Variants in TUT4 observed in about 807,000 individuals in gnomAD.
TUT4 encodes the protein terminal uridylyltransferase 4.
A neutral mutation model predicts 192.2 loss-of-function variants in TUT4; 36 were observed. The observed-to-expected ratio is 0.19, with a 90% CI of 0.14 to 0.25. The LOEUF (loss-of-function observed/expected upper bound fraction) is 0.25. Among genes scored for constraint, TUT4 ranks in the 10% least tolerant of loss-of-function variants. TUT4 has a pLI of 1.00. For missense variants in TUT4, 1,493 were observed against 1,957.2 expected (o/e 0.76, Z 4.47); for synonymous variants, 618 against 666.0 (o/e 0.93, Z 1.11).
Position 52,518,481 on chromosome 1 carries a change from T to C in TUT4, c.719-2427A>G, listed in dbSNP as rs554235317. On this transcript the variant is annotated intron_variant, in intron 2 of 29. Coordinates refer to ENST00000257177, the MANE Select transcript of TUT4 (RefSeq NM_001009881.3). ...ACAGAGGTTCTCTCTTCTCCTTTTT[T>C]ATAAGGCCAGATTAGGACCTCACCA... 2.0e-5 allele frequency among the ~76,000 whole-genome samples: 3 copies of C among 152,318 alleles called. No individual in the cohort carries two copies. In the South Asian group the frequency reaches 6.2e-4, roughly 32 times the overall value.
rs1681687772 is a variant in TUT4 at position 52,526,122 on chromosome 1, A to G, written c.159T>C (p.Asn53=). ...CATTTTGCTTATTTTTTTTACTACT[A>G]TTCCTATTTGGAGAGCTGTTCTCAA... ...KEIENSSPNR[N]SSKKNKQNDI... is the part of the protein sequence containing the mutation. Residue 53 remains asparagine (N), a synonymous_variant, in exon 2 of 30, where the codon AAT becomes AAC. Transcript: ENST00000257177. 1 of 1,610,380 alleles carries G rather than the reference A, an allele frequency of 6.2e-7. No homozygotes were observed. Among genetic ancestry groups the G allele is most frequent in the Non-Finnish European group, 8.5e-7 (1 of 1,179,198 alleles).
intron 9 of TUT4, among the ~76,000 whole-genome samples, chr1:52,486,351 G>C (rs1179829739): frequency 2.6e-5 from 4 of 152,084 alleles, no homozygotes; most frequent in Admixed American, 6.5e-5. Flanking sequence ...GCCACCTAGA[G>C]TTAAGAAGCT....
chr1:52,550,391 A>C (rs1689106228), intron 1 of TUT4, among the ~76,000 whole-genome samples: 1 of 152,136 alleles, frequency 6.6e-6, no homozygotes, highest in African/African-American at 2.4e-5. Flanking sequence ...AACATTTTTT[A>C]ATCAATTCAA....
intron 9 of TUT4, among the ~76,000 whole-genome samples, chr1:52,487,093 C>G (rs1292437287): frequency 1.3e-5 from 2 of 152,000 alleles, no homozygotes; most frequent in Non-Finnish European, 2.9e-5. Context: ...ATAGCATTAC[C>G]AAAATATTCT....
At chr1:52,474,441 CA>C (rs1402708233) in intron 13 of TUT4, among the ~76,000 whole-genome samples, 13 of 151,860 alleles carry the variant, frequency 8.6e-5, no homozygotes, top group Admixed American at 5.2e-4. Context: ...TTAGAATTTA[CA>C]AACCTTTTAT....
At chr1:52,450,165 C>A (rs1449594382) in intron 20 of TUT4, among the ~76,000 whole-genome samples, 1 of 152,136 alleles carries the variant, frequency 6.6e-6, no homozygotes, top group Non-Finnish European at 1.5e-5. Context: ...CTTAGTAATA[C>A]CCAGCCATAT....
chr1:52,444,306 A>C (rs1656702651), intron 24 of TUT4, among the ~76,000 whole-genome samples: 1 of 152,138 alleles, frequency 6.6e-6, no homozygotes, highest in Admixed American at 6.5e-5. Flanking sequence ...CATTGTTTCA[A>C]ATTTTACTAT....
intron 20 of TUT4, among the ~76,000 whole-genome samples, chr1:52,456,574 GT>G (rs1661050198): frequency 6.6e-6 from 1 of 151,116 alleles, no homozygotes; most frequent in Non-Finnish European, 1.5e-5. Context: ...ATATCACTGA[GT>G]GATGGAAGTC....
chr1:52,537,915 T>C (rs941216875), intron 1 of TUT4, among the ~76,000 whole-genome samples: 2 of 150,564 alleles, frequency 1.3e-5, no homozygotes, highest in African/African-American at 4.9e-5. Flanking sequence ...GTCTCAAAAA[T>C]GAATAAATAA....
chr1:52,425,572 C>T (rs984258966), intron 28 of TUT4, 65 bp from the exon 29 acceptor site: 25 of 1,503,762 alleles, frequency 1.7e-5, no homozygotes, highest in Non-Finnish European at 8.9e-7. Context: ...AATATCCCTT[C>T]ATTCCACAAA....
intron 16 of TUT4, chr1:52,463,768 C>A: frequency 7.7e-7 from 1 of 1,304,194 alleles, no homozygotes; most frequent in Non-Finnish European, 1.0e-6. Flanking sequence ...CTCCTTCCCA[C>A]TATTAAGGCC....
At chr1:52,429,210 A>C (rs983604413) in intron 28 of TUT4, among the ~76,000 whole-genome samples, 10 of 150,620 alleles carry the variant, frequency 6.6e-5, no homozygotes, top group Admixed American at 2.6e-4. Flanking sequence ...CAGCCTCCCG[A>C]GTAGCTGGGA....
chr1:52,449,245 A>G (rs958421835), intron 20 of TUT4, among the ~76,000 whole-genome samples: 23 of 152,188 alleles, frequency 1.5e-4, no homozygotes, highest in Non-Finnish European at 2.6e-4. Context: ...ATGACCCTAA[A>G]CATTTCCAAA....
Position 52,444,504 on chromosome 1 carries a change from C to T in TUT4, c.3822+1283G>A, listed in dbSNP as rs144954817. 2.0e-4 allele frequency among the ~76,000 whole-genome samples: 31 copies of T among 151,998 alleles called. No homozygotes were observed. In the East Asian group the frequency reaches 5.8e-3, roughly 28 times the overall value. ...ACATTCACTATGCAATGTAAATGCA[C>T]GTTTGTTGTGATGGTTAATACTGAA... On this transcript the variant is annotated intron_variant, in intron 24 of 29. Transcript: ENST00000257177.
At chr1:52,458,499 A>C in intron 19 of TUT4, 50 bp from the exon 20 acceptor site, 1 of 1,389,416 alleles carries the variant, frequency 7.2e-7, no homozygotes, top group Non-Finnish European at 1.0e-6. Context: ...TACTCCATGC[A>C]GAAGTATATT....
chr1:52,425,583 G>T (rs1250848077), intron 28 of TUT4, 76 bp from the exon 29 acceptor site: 3 of 1,475,012 alleles, frequency 2.0e-6, no homozygotes, highest in Non-Finnish European at 2.7e-6. Flanking sequence ...ATTCCACAAA[G>T]ATATATTCAG....
At chr1:52,520,442 G>GCAGCAT (rs1242690072) in intron 2 of TUT4, among the ~76,000 whole-genome samples, 2 of 152,310 alleles carry the variant, frequency 1.3e-5, no homozygotes, top group African/African-American at 4.8e-5. Context: ...ATCTTGACCA[G>GCAGCAT]CAGCATCAGC....
At chr1:52,492,947 C>T (rs1304914909) in intron 7 of TUT4, among the ~76,000 whole-genome samples, 2 of 152,182 alleles carry the variant, frequency 1.3e-5, no homozygotes, top group Non-Finnish European at 2.9e-5. Context: ...TTCCAAGTCT[C>T]TCCTTAATCT....
At chr1:52,500,982 A>G (rs1167257465) in intron 4 of TUT4, among the ~76,000 whole-genome samples, 2 of 152,150 alleles carry the variant, frequency 1.3e-5, no homozygotes, top group Non-Finnish European at 2.9e-5. Flanking sequence ...AACCGTAACT[A>G]AGAAATGTAA....
Sources: gnomAD v4.1 joint callset for allele counts (sites outside exome capture counted in the v4.1 genomes callset) on GRCh38, gnomAD v4.1.1 for gene constraint, MANE v1.5 for transcripts, NCBI Gene and HGNC (gene_info 2026-07-23, HGNC 2026-07-21) for gene names.